MRM1: variants seen among roughly 807,000 people sequenced by gnomAD.
MRM1 encodes mitochondrial rRNA methyltransferase 1.
MRM1 carries 24 observed loss-of-function variants against 25.0 expected under a neutral mutation model. The observed-to-expected ratio is 0.96, with a 90% CI of 0.69 to 1.35. MRM1 has a LOEUF of 1.35. Among genes scored for constraint, MRM1 ranks in the 40% most tolerant of loss-of-function variants. The pLI, the probability that MRM1 is intolerant of heterozygous loss-of-function variation, is 0.00. For synonymous variants in MRM1, 188 were observed against 199.2 expected, an observed-to-expected ratio of 0.94 and a Z score of 0.47; for missense variants, 431 against 464.1, an observed-to-expected ratio of 0.93 and a Z score of 0.65.
At position 36,601,915 on chromosome 17, in the gene MRM1, A is replaced by G; in HGVS notation, c.105A>G (p.Leu35=). The G allele has an allele frequency of 6.2e-7, 1 of 1,612,410 alleles. No homozygotes were observed. The highest frequency in any genetic ancestry group is 8.5e-7 in the Non-Finnish European group (1 of 1,179,822). The change falls in exon 1 of 5, where the codon CTA becomes CTG. Residue 35 remains leucine, a synonymous_variant. Transcript: ENST00000614766. ...RHGERPGGEE[L]SRLLLDDLVP... ...GGGAGCGGCCTGGTGGGGAGGAGCT[A>G]AGCCGCTTGCTGCTGGATGACCTGG...
Position 36,608,267 on chromosome 17 carries a change from G to A in MRM1, c.914G>A (p.Ser305Asn), listed in dbSNP as rs138168313. 54 of 1,580,980 alleles carry A rather than the reference G, an allele frequency of 3.4e-5. No individual in the cohort carries two copies. In the African/African-American group the frequency reaches 6.5e-4, roughly 19 times the overall value. Residue 305 changes from serine (S) to asparagine (N), a missense_variant, in exon 5 of 5, where the codon AGC becomes AAC. Coordinates refer to ENST00000614766, the MANE Select transcript of MRM1 (RefSeq NM_024864.5). ...GGAATTCTTCTTCACTCCATTTGCA[G>A]CCAGAGGAAGGGTTTCCCCACAGAG... The part of the protein sequence containing the change: ...AAGILLHSIC[S>N]QRKGFPTEGE...
At chr17:36,633,755 C>T in the MRM1 span, among the ~76,000 whole-genome samples, 16 of 152,068 alleles carry the variant, frequency 1.1e-4, no homozygotes, top group Non-Finnish European at 1.3e-4. Context: ...GAGCAGTCCC[C>T]GATAGCAGCA....
Position 36,601,630 on chromosome 17 carries a change from G to T in MRM1, c.-181G>T, listed in dbSNP as rs1329927062. 2 of 590,076 alleles carry T rather than the reference G, an allele frequency of 3.4e-6. No individual in the cohort carries two copies. The highest frequency in any genetic ancestry group is 5.3e-6 in the Non-Finnish European group (2 of 374,782). 36.6% of individuals were successfully genotyped at this position (590,076 alleles called of 1,614,324 possible). A position where few individuals can be genotyped will look rare whatever the true frequency, so the allele number is the denominator to read the frequency against. ...CGTGGGAGCCTGGGAGCGGGTGGTC[G>T]TAGCTCGGTAGTCCAGTTGTGGGTA... On this transcript the variant is annotated 5_prime_UTR_variant, in exon 1 of 5. Coordinates refer to ENST00000614766, the MANE Select transcript of MRM1 (RefSeq NM_024864.5).
chr17:36,610,925 T>C (rs2074973343), downstream of MRM1, among the ~76,000 whole-genome samples: 1 of 152,194 alleles, frequency 6.6e-6, no homozygotes, highest in South Asian at 2.1e-4. Flanking sequence ...GCGGTTCTCC[T>C]GCCTCAGCCT....
At chr17:36,620,559 G>C in the MRM1 span, among the ~76,000 whole-genome samples, 1 of 152,188 alleles carries the variant, frequency 6.6e-6, no homozygotes, top group African/African-American at 2.4e-5. Flanking sequence ...TGAGCTCCCT[G>C]TCACTAGAGT....
At chr17:36,623,642 C>T in the MRM1 span, among the ~76,000 whole-genome samples, 1 of 152,216 alleles carries the variant, frequency 6.6e-6, no homozygotes, top group African/African-American at 2.4e-5. Flanking sequence ...CACTCCAGCT[C>T]CTATGCTGGG....
chr17:36,618,773 G>GTCGATGAGA, the MRM1 span, among the ~76,000 whole-genome samples: 1 of 152,196 alleles, frequency 6.6e-6, no homozygotes, highest in South Asian at 2.1e-4. Context: ...CACCTGCTTT[G>GTCGATGAGA]TCGATGAGAT....
At chr17:36,617,076 G>A in the MRM1 span, among the ~76,000 whole-genome samples, 2 of 152,162 alleles carry the variant, frequency 1.3e-5, no homozygotes, top group Non-Finnish European at 1.5e-5. Context: ...GGAGGTGCTG[G>A]GAGGCACCTC....
Position 36,601,623 on chromosome 17 carries a change from G to T in MRM1, c.-188G>T. On this transcript the variant is annotated 5_prime_UTR_variant, in exon 1 of 5. Transcript: ENST00000614766. ...GGACCCACGTGGGAGCCTGGGAGCG[G>T]GTGGTCGTAGCTCGGTAGTCCAGTT... 1.9e-6 allele frequency: 1 copy of T among 531,738 alleles called. No homozygotes were observed. Among genetic ancestry groups the T allele is most frequent in the Non-Finnish European group, 3.1e-6 (1 of 325,268 alleles). 32.9% of individuals were successfully genotyped at this position (531,738 alleles called of 1,614,324 possible).
In MRM1 at chr17:36,601,889, G is replaced by T. The variant is rs1046300153; in HGVS notation, c.79G>T (p.Gly27Trp). ...TCATTTCTCCCATGCAGCGCGGCAT[G>T]GGGAGCGGCCTGGTGGGGAGGAGCT... ...TRHFSHAARHGERPGGEELSR... is the reference protein window; with the variant it reads ...TRHFSHAARHWERPGGEELSR... Residue 27 changes from glycine (G) to tryptophan (W), a missense_variant, in exon 1 of 5, where the codon GGG becomes TGG. Coordinates refer to ENST00000614766, the MANE Select transcript of MRM1 (RefSeq NM_024864.5). 1.2e-5 allele frequency: 19 copies of T among 1,610,326 alleles called. No homozygotes were observed. Among genetic ancestry groups the T allele is most frequent in the Non-Finnish European group, 1.4e-5 (17 of 1,179,388 alleles).
rs2074950407 is a variant in MRM1 at position 36,608,367 on chromosome 17, C to G, written c.1014C>G (p.His338Gln). The G allele has an allele frequency of 1.2e-6, 2 of 1,602,864 alleles. No homozygotes were observed. Among genetic ancestry groups the G allele is most frequent in the Non-Finnish European group, 8.5e-7 (1 of 1,174,916 alleles). Residue 338 changes from histidine (H) to glutamine (Q), a missense_variant, in exon 5 of 5, where the codon CAC (histidine) becomes CAG (glutamine). His to Gln is a conservative substitution (Grantham distance 24, BLOSUM62 0). Transcript: ENST00000614766. Reference sequence around the variant, plus strand: ...CTGAAGGGCTCAGCATGGCTCAGCACCCAGGGCTGTCTTCAGGCCCAGAGA... The same window carrying G: ...CTGAAGGGCTCAGCATGGCTCAGCAGCCAGGGCTGTCTTCAGGCCCAGAGA... ...ARSEGLSMAQ[H>Q]PGLSSGPEKE...
rs760607606 is a variant in MRM1 at position 36,602,656 on chromosome 17, G to T, written c.636+10G>T. Reference sequence around the variant, plus strand: ...CACCGGATTTTTACAGGTAATGAGGGGCAAGAGGGGAAGGAACAGATGTGA... The same window carrying T: ...CACCGGATTTTTACAGGTAATGAGGTGCAAGAGGGGAAGGAACAGATGTGA... On this transcript the variant is annotated intron_variant, in intron 2 of 4. Transcript: ENST00000614766. This position sits in a 1 kb window ranked among gnomAD's most constrained non-coding sequence, Gnocchi z 4.1. The T allele has an allele frequency of 6.2e-7, 1 of 1,613,820 alleles. No homozygotes were observed. Among genetic ancestry groups the T allele is most frequent in the African/African-American group, 1.3e-5 (1 of 75,024 alleles).
chr17:36,622,016 G>C, the MRM1 span, among the ~76,000 whole-genome samples: 1 of 152,132 alleles, frequency 6.6e-6, no homozygotes, highest in East Asian at 1.9e-4. Context: ...GTGTGTTTGC[G>C]TGACTGCAGG....
chr17:36,625,247 C>T, the MRM1 span, among the ~76,000 whole-genome samples: 7 of 152,246 alleles, frequency 4.6e-5, no homozygotes, highest in South Asian at 2.1e-4. Flanking sequence ...ATTGCCTCCA[C>T]GATAAAGTAC....
the MRM1 span, among the ~76,000 whole-genome samples, chr17:36,631,053 C>T: frequency 1.8e-4 from 28 of 152,210 alleles, no homozygotes; most frequent in African/African-American, 5.8e-4. Context: ...CAATGTCTCC[C>T]CCACGGGATG....
the MRM1 span, among the ~76,000 whole-genome samples, chr17:36,621,765 A>AG: frequency 1.3e-5 from 2 of 152,086 alleles, 1 homozygote; most frequent in Admixed American, 1.3e-4. Flanking sequence ...ATGGAGGGCA[A>AG]GGGGGCCCCC....
At chr17:36,617,445 T>A in the MRM1 span, among the ~76,000 whole-genome samples, 1 of 147,414 alleles carries the variant, frequency 6.8e-6, no homozygotes, top group Non-Finnish European at 1.5e-5. Context: ...CAGGCTGGAG[T>A]GCGGTGTCCT....
chr17:36,619,770 A>C, the MRM1 span, among the ~76,000 whole-genome samples: 1 of 152,110 alleles, frequency 6.6e-6, no homozygotes, highest in African/African-American at 2.4e-5. Context: ...GAGGAATTGC[A>C]TACTGTTTTC....
the MRM1 span, among the ~76,000 whole-genome samples, chr17:36,632,760 C>G: frequency 8.5e-5 from 13 of 152,214 alleles, 1 homozygote; most frequent in South Asian, 2.5e-3. Flanking sequence ...ACGAAAAGAG[C>G]TTTTCTGGCT....
Sources: allele counts gnomAD v4.1 joint callset (sites outside exome capture counted in the v4.1 genomes callset), GRCh38; gene constraint gnomAD v4.1.1; non-coding constraint Gnocchi (gnomAD v3.1); transcripts MANE v1.5; gene names NCBI Gene and HGNC (gene_info 2026-07-23, HGNC 2026-07-21).